Variants in VWA8 observed in about 807,000 individuals in gnomAD.
VWA8 encodes the protein von Willebrand factor A domain containing 8.
In VWA8, 221 loss-of-function variants were observed where a neutral mutation model predicts 241.5. The ratio of observed to expected loss-of-function variants is 0.91; its 90% CI spans 0.82 to 1.02. VWA8 has a LOEUF of 1.02. Among genes scored for constraint, VWA8 ranks in the 50% least tolerant of loss-of-function variants. The pLI is 0.00. For synonymous variants in VWA8, 852 were observed against 827.1 expected, an observed-to-expected ratio of 1.03 and a Z score of -0.52; for missense variants, 2,322 against 2,328.7, an observed-to-expected ratio of 1.00 and a Z score of 0.06.
At chr13:41,761,310 A>C (rs977468515) in intron 20 of VWA8, 106 bp from the exon 21 acceptor site, 3 of 1,081,876 alleles carry the variant, frequency 2.8e-6, no homozygotes, top group Non-Finnish European at 4.1e-6. Flanking sequence ...TCACCTTGTT[A>C]CTGTTTTAGT....
chr13:41,870,442 C>A (rs746135289), intron 9 of VWA8, among the ~76,000 whole-genome samples: 20 of 152,012 alleles, frequency 1.3e-4, no homozygotes, highest in Non-Finnish European at 2.1e-4. Context: ...AGTTCAAGAC[C>A]AGCCTGGCCA....
chr13:41,860,316 C>G (rs922200784), intron 12 of VWA8, among the ~76,000 whole-genome samples: 13 of 152,092 alleles, frequency 8.5e-5, no homozygotes, highest in Non-Finnish European at 1.8e-4. Flanking sequence ...CTACTGTTTC[C>G]CAATCTTTGC....
chr13:41,719,523 G>A, intron 26 of VWA8, 68 bp downstream of exon 26: 1 of 1,603,444 alleles, frequency 6.2e-7, no homozygotes, highest in South Asian at 1.1e-5. Context: ...ACTCAGTTTT[G>A]TAGAATGGAA....
chr13:41,691,353 T>G lies in VWA8; in HGVS notation c.3833A>C (p.Asp1278Ala), dbSNP rs765293499. Residue 1278 changes from aspartate to alanine, a missense_variant, in exon 32 of 45, where the codon GAC becomes GCC. By Grantham distance (126) the Asp-to-Ala change is moderately radical (BLOSUM62 -2). Coordinates refer to ENST00000379310, the MANE Select transcript of VWA8 (RefSeq NM_015058.2). The stretch of plus-strand genomic sequence containing the variant: ...TTTGCTCTCCACCAGAAGCCATTTG[T>G]CCTCTGCTACAAGGAAAACTGTCTT... ...NLKTVFLVAE[D>A]KWLLVESKTN... 1.9e-5 allele frequency: 30 copies of G among 1,612,608 alleles called. No individual in the cohort carries two copies. The highest frequency in any genetic ancestry group is 1.1e-4 in the East Asian group (5 of 44,840).
intron 37 of VWA8, among the ~76,000 whole-genome samples, chr13:41,657,785 G>A (rs925478775): frequency 6.6e-6 from 1 of 152,186 alleles, no homozygotes; most frequent in African/African-American, 2.4e-5. Flanking sequence ...CACCGCGCCC[G>A]GCCAAGTTAT....
intron 37 of VWA8, among the ~76,000 whole-genome samples, chr13:41,664,464 T>C (rs2044973516): frequency 6.6e-6 from 1 of 151,386 alleles, no homozygotes; most frequent in South Asian, 2.1e-4. Context: ...GGTTCTTTAG[T>C]TCAGTGAAAT....
chr13:41,679,699 G>A (rs935805463), intron 35 of VWA8, among the ~76,000 whole-genome samples: 6 of 152,116 alleles, frequency 3.9e-5, no homozygotes, highest in Non-Finnish European at 7.4e-5. Context: ...ATAAAAGGCT[G>A]ATATACATTA....
At chr13:41,717,431 G>A (rs1296407119) in intron 26 of VWA8, among the ~76,000 whole-genome samples, 1 of 151,944 alleles carries the variant, frequency 6.6e-6, no homozygotes, top group Admixed American at 6.6e-5. Context: ...AAAATGGAAT[G>A]GTGAGCTCTT....
At chr13:41,894,607 A>G (rs893695211) in intron 4 of VWA8, among the ~76,000 whole-genome samples, 8 of 152,214 alleles carry the variant, frequency 5.3e-5, no homozygotes, top group Admixed American at 5.2e-4. Flanking sequence ...TGGATGGTAA[A>G]ATTAGTGGCT....
chr13:41,697,603 C>G (rs529118576), intron 29 of VWA8, among the ~76,000 whole-genome samples: 1 of 152,182 alleles, frequency 6.6e-6, no homozygotes, highest in African/African-American at 2.4e-5. Flanking sequence ...TTACAAGGAG[C>G]GCACAACCTA....
At chr13:41,846,050 T>C (rs77773362) in intron 12 of VWA8, among the ~76,000 whole-genome samples, 2 of 122,580 alleles carry the variant, frequency 1.6e-5, no homozygotes, top group Non-Finnish European at 3.3e-5. Flanking sequence ...TTTTAGTTCT[T>C]TTTTTTTTTT....
intron 2 of VWA8, chr13:41,926,226 A>G: frequency 1.5e-6 from 1 of 689,590 alleles, no homozygotes; most frequent in South Asian, 1.6e-5. Context: ...CCACATGCAT[A>G]TGTTACCTCA....
chr13:41,631,787 T>C (rs1196082665), intron 37 of VWA8, among the ~76,000 whole-genome samples: 8 of 152,190 alleles, frequency 5.3e-5, no homozygotes, highest in African/African-American at 1.7e-4. Context: ...AATGTTATCA[T>C]TGTGTGTAGG....
At chr13:41,570,445 C>T in intron 44 of VWA8, 23 bp downstream of exon 44, 1 of 1,602,476 alleles carries the variant, frequency 6.2e-7, no homozygotes, top group Non-Finnish European at 8.5e-7. Context: ...CTGCCCTTTT[C>T]TGTATGCTCA....
At chr13:41,732,830 G>A (rs190448576) in intron 21 of VWA8, among the ~76,000 whole-genome samples, 3 of 152,112 alleles carry the variant, frequency 2.0e-5, no homozygotes, top group Non-Finnish European at 2.9e-5. Flanking sequence ...CTCCTTACAT[G>A]ATGAGATGTA....
At position 41,699,116 on chromosome 13, in the gene VWA8, C is replaced by A. The variant is rs749858904; in HGVS notation, c.3519G>T (p.Pro1173=). The A allele has an allele frequency of 1.9e-6, 3 of 1,613,862 alleles. No homozygotes were observed. The highest frequency in any genetic ancestry group is 2.2e-5 in the East Asian group (1 of 44,880). Reference sequence around the variant, plus strand: ...CTTGACCTTTGAGAGGACTTCCCAGCGGTGCCACTGTCACAAAAGGGTGCC... The same window carrying A: ...CTTGACCTTTGAGAGGACTTCCCAGAGGTGCCACTGTCACAAAAGGGTGCC... ...GVWHPFVTVA[P]LGSPLKGQVV... The change falls in exon 29 of 45, where the codon CCG becomes CCT. Residue 1173 remains proline (P), a synonymous_variant. Transcript: ENST00000379310.
chr13:41,631,552 C>T (rs1332206980), intron 37 of VWA8, among the ~76,000 whole-genome samples: 2 of 152,160 alleles, frequency 1.3e-5, no homozygotes, highest in African/African-American at 2.4e-5. Context: ...GTTTGAAAGG[C>T]TGTCCAAAAT....
At chr13:41,833,611 TAG>T in intron 12 of VWA8, 80 bp from the exon 13 acceptor site, 7 of 1,412,024 alleles carry the variant, frequency 5.0e-6, no homozygotes, top group Admixed American at 2.8e-5. Flanking sequence ...CATGGCTTTA[TAG>T]AGTCACCTCC....
intron 26 of VWA8, among the ~76,000 whole-genome samples, chr13:41,704,009 C>T (rs2045267280): frequency 6.6e-6 from 1 of 152,096 alleles, no homozygotes; most frequent in Non-Finnish European, 1.5e-5. Context: ...ATCTGCCCGC[C>T]TTGGCCTCCC....
Sources: gnomAD v4.1 joint callset for allele counts (sites outside exome capture counted in the v4.1 genomes callset) on GRCh38, gnomAD v4.1.1 for gene constraint, MANE v1.5 for transcripts, NCBI Gene and HGNC (gene_info 2026-07-23, HGNC 2026-07-21) for gene names.